ZC3H12B: variants seen among roughly 807,000 people sequenced by gnomAD.
The protein encoded by ZC3H12B is zinc finger CCCH-type containing 12B.
A neutral mutation model predicts 43.9 loss-of-function variants in ZC3H12B; 7 were observed. The ratio of observed to expected loss-of-function variants is 0.16; its 90% CI spans 0.09 to 0.30. The LOEUF is 0.30. Among genes scored for constraint, ZC3H12B ranks in the 10% least tolerant of loss-of-function variants. The pLI is 1.00. For synonymous variants in ZC3H12B, 222 were observed against 241.7 expected (o/e 0.92, Z 0.76); for missense variants, 475 against 670.2 (o/e 0.71, Z 3.22).
intron 3 of ZC3H12B, among the ~76,000 whole-genome samples, chrX:65,442,741 A>C (rs2067318668): frequency 8.9e-6 from 1 of 112,470 alleles, no homozygotes; most frequent in South Asian, 3.7e-4. Context: ...AACCTGGTCC[A>C]TACTCATTTA....
the ZC3H12B span, among the ~76,000 whole-genome samples, chrX:65,212,579 A>T: frequency 3.8e-5 from 3 of 79,349 alleles, no homozygotes; most frequent in South Asian, 1.7e-3. Flanking sequence ...ATAATTATAC[A>T]GTATATATTA....
At chrX:65,401,151 T>A (rs1422276446) in intron 3 of ZC3H12B, among the ~76,000 whole-genome samples, 1 of 109,906 alleles carries the variant, frequency 9.1e-6, no homozygotes, top group Non-Finnish European at 1.9e-5. Context: ...TGGTTTTAAC[T>A]CTATACTGCT....
intron 3 of ZC3H12B, among the ~76,000 whole-genome samples, chrX:65,466,932 ATATATATATATAT>A (rs1369889481): frequency 2.4e-5 from 1 of 41,275 alleles, no homozygotes; most frequent in African/African-American, 1.3e-4. Flanking sequence ...ATATATATAT[ATATATATATATAT>A]ATATATATAT....
chrX:65,227,770 C>T, the ZC3H12B span, among the ~76,000 whole-genome samples: 2 of 111,119 alleles, frequency 1.8e-5, no homozygotes, highest in Admixed American at 1.9e-4. Flanking sequence ...CGCAAATAAA[C>T]TAGAAAATCT....
the ZC3H12B span, among the ~76,000 whole-genome samples, chrX:65,069,508 A>G: frequency 1.8e-5 from 2 of 110,300 alleles, no homozygotes; most frequent in African/African-American, 6.6e-5. Context: ...TTCAATCTCT[A>G]TTAAATGTAT....
the ZC3H12B span, among the ~76,000 whole-genome samples, chrX:65,183,954 G>A: frequency 1.8e-5 from 2 of 111,366 alleles, no homozygotes; most frequent in East Asian, 5.6e-4. Context: ...TGGTGTGTGG[G>A]ATAATTTTAA....
chrX:65,422,753 C>T (rs1301366279), intron 3 of ZC3H12B, among the ~76,000 whole-genome samples: 1 of 109,397 alleles, frequency 9.1e-6, no homozygotes. Context: ...TCTAATTGAT[C>T]AACTGCCATT....
chrX:65,126,488 A>G, the ZC3H12B span, among the ~76,000 whole-genome samples: 2 of 111,092 alleles, frequency 1.8e-5, no homozygotes, highest in African/African-American at 3.3e-5. Flanking sequence ...TTTGTGAGGA[A>G]TTTCCCAGGT....
chrX:65,241,997 G>T, the ZC3H12B span, among the ~76,000 whole-genome samples: 2 of 111,578 alleles, frequency 1.8e-5, no homozygotes, highest in African/African-American at 3.3e-5. Context: ...GATGGAATGG[G>T]TTCACGAAGG....
chrX:65,072,185 A>G, the ZC3H12B span, among the ~76,000 whole-genome samples: 2 of 111,315 alleles, frequency 1.8e-5, no homozygotes, highest in Non-Finnish European at 3.8e-5. Context: ...TGACTGTCTT[A>G]TTTCAGAAAG....
At chrX:65,248,900 A>G in the ZC3H12B span, among the ~76,000 whole-genome samples, 1 of 111,677 alleles carries the variant, frequency 9.0e-6, no homozygotes, top group African/African-American at 3.3e-5. Context: ...GCCTATTCAT[A>G]TCATTAGCTG....
chrX:65,477,617 C>A (rs775757069), intron 3 of ZC3H12B, among the ~76,000 whole-genome samples: 6 of 110,240 alleles, frequency 5.4e-5, no homozygotes, highest in Non-Finnish European at 1.1e-4. Context: ...CAAAAATTAG[C>A]CGGGTATGGT....
the ZC3H12B span, among the ~76,000 whole-genome samples, chrX:65,248,166 A>T: frequency 9.1e-6 from 1 of 110,161 alleles, no homozygotes; most frequent in Non-Finnish European, 1.9e-5. Context: ...CCTCCTGAGT[A>T]GCTGAGACCA....
chrX:65,379,501 T>G (rs1198302480), intron 2 of ZC3H12B, among the ~76,000 whole-genome samples: 3 of 110,984 alleles, frequency 2.7e-5, no homozygotes, highest in African/African-American at 9.9e-5. Context: ...ACCACAAAGA[T>G]AGGGAAAAAA....
the ZC3H12B span, among the ~76,000 whole-genome samples, chrX:65,308,261 G>C: frequency 9.1e-6 from 1 of 109,961 alleles, no homozygotes; most frequent in Non-Finnish European, 1.9e-5. Context: ...TATGTGCAGA[G>C]ACACACATAG....
the ZC3H12B span, among the ~76,000 whole-genome samples, chrX:65,057,086 A>T: frequency 8.9e-6 from 1 of 111,858 alleles, no homozygotes; most frequent in East Asian, 2.8e-4. Context: ...GCCCATTTAC[A>T]TTTAAGGTTA....
chrX:65,152,614 G>T, the ZC3H12B span, among the ~76,000 whole-genome samples: 3 of 111,491 alleles, frequency 2.7e-5, no homozygotes, highest in Non-Finnish European at 5.6e-5. Context: ...AACATTCCAT[G>T]CTCATGGGTA....
the ZC3H12B span, among the ~76,000 whole-genome samples, chrX:65,287,857 G>T: frequency 8.3e-4 from 91 of 109,803 alleles, no homozygotes; most frequent in Non-Finnish European, 1.5e-3. Context: ...GAAGCAAAGA[G>T]TTGGTTCTTC....
chrX:65,296,321 A>G, the ZC3H12B span, among the ~76,000 whole-genome samples: 2 of 111,044 alleles, frequency 1.8e-5, no homozygotes, highest in Non-Finnish European at 3.8e-5. Flanking sequence ...AAGCAAAGAC[A>G]TAAGGATACA....
Sources: allele counts gnomAD v4.1 joint callset (sites outside exome capture counted in the v4.1 genomes callset), GRCh38; gene constraint gnomAD v4.1.1; transcripts MANE v1.5; gene names NCBI Gene and HGNC (gene_info 2026-07-23, HGNC 2026-07-21).